Variants in SIPA1L1 observed in about 807,000 individuals in gnomAD.
SIPA1L1 encodes signal-induced proliferation-associated 1-like protein 1.
Under a neutral mutation model 162.7 loss-of-function variants are expected in SIPA1L1, and 26 were observed. The observed-to-expected ratio is 0.16, with a 90% confidence interval of 0.12 to 0.22. SIPA1L1 has a LOEUF of 0.22. Ranked by LOEUF, SIPA1L1 falls within the 10% of genes least tolerant of loss-of-function variation. The probability of loss-of-function intolerance (pLI) is 1.00; values close to 1 mark genes in which losing one functional copy is unlikely to be tolerated. For synonymous variants in SIPA1L1, 829 were observed against 837.4 expected (o/e 0.99, Z 0.17); for missense variants, 1,874 against 2,241.0 (o/e 0.84, Z 3.31).
chr14:71,680,105 A>C (rs1240498681), intron 12 of SIPA1L1, among the ~76,000 whole-genome samples: 5 of 152,202 alleles, frequency 3.3e-5, no homozygotes, highest in African/African-American at 7.2e-5. Context: ...CTCTTCACCC[A>C]AAATCAACAG....
At chr14:71,650,249 A>C (rs370850825) in intron 7 of SIPA1L1, 86 bp from the exon 8 acceptor site, 1 of 1,325,520 alleles carries the variant, frequency 7.5e-7, no homozygotes. Flanking sequence ...TTTTCTGGGC[A>C]TGTGCCCTAT....
chr14:71,721,148 G>A (rs2083689641), intron 17 of SIPA1L1, among the ~76,000 whole-genome samples: 1 of 152,222 alleles, frequency 6.6e-6, no homozygotes, highest in South Asian at 2.1e-4. Context: ...GGTCACTGTA[G>A]ATGTATCAGC....
intron 9 of SIPA1L1, among the ~76,000 whole-genome samples, chr14:71,659,459 C>T (rs958938981): frequency 6.6e-6 from 1 of 152,156 alleles, no homozygotes; most frequent in Non-Finnish European, 1.5e-5. Flanking sequence ...AGCTATAAAT[C>T]TGAAGTAAAC....
At chr14:71,492,561 G>A (rs1209306895) in intron 2 of SIPA1L1, among the ~76,000 whole-genome samples, 1 of 152,172 alleles carries the variant, frequency 6.6e-6, no homozygotes, top group Non-Finnish European at 1.5e-5. Context: ...TCTGCTGTCT[G>A]CTTCAGACTT....
At chr14:71,712,969 T>A (rs1178404632) in intron 17 of SIPA1L1, among the ~76,000 whole-genome samples, 2 of 152,118 alleles carry the variant, frequency 1.3e-5, no homozygotes, top group Non-Finnish European at 2.9e-5. Flanking sequence ...ACAAGAGGAT[T>A]TTTCACCCAA....
intron 2 of SIPA1L1, among the ~76,000 whole-genome samples, chr14:71,389,769 G>GTA (rs1382362198): frequency 3.3e-5 from 5 of 152,172 alleles, no homozygotes; most frequent in Non-Finnish European, 7.3e-5. Context: ...CTCACATTTA[G>GTA]TAGAGACTCA....
chr14:71,705,954 C>T (rs985442657), intron 16 of SIPA1L1, among the ~76,000 whole-genome samples: 6 of 151,960 alleles, frequency 3.9e-5, no homozygotes, highest in Admixed American at 6.6e-5. Flanking sequence ...GCTATTGGGA[C>T]GGGACGCCCT....
At chr14:71,480,508 T>TG (rs1489233855) in intron 2 of SIPA1L1, among the ~76,000 whole-genome samples, 1 of 147,614 alleles carries the variant, frequency 6.8e-6, no homozygotes, top group African/African-American at 2.5e-5. Flanking sequence ...ACGCCTGTAA[T>TG]CCCAGCATTT....
intron 10 of SIPA1L1, among the ~76,000 whole-genome samples, chr14:71,665,105 A>G (rs2043875415): frequency 6.6e-6 from 1 of 152,208 alleles, no homozygotes; most frequent in South Asian, 2.1e-4. Flanking sequence ...AAAATTATCC[A>G]GTGTTACCAT....
chr14:71,610,464 A>T (rs1356996199), intron 5 of SIPA1L1, among the ~76,000 whole-genome samples: 1 of 152,224 alleles, frequency 6.6e-6, no homozygotes, highest in Non-Finnish European at 1.5e-5. Flanking sequence ...ACTACTATGA[A>T]TATTTACAGT....
chr14:71,464,662 CAAAA>C (rs1008732200), intron 2 of SIPA1L1, among the ~76,000 whole-genome samples: 3 of 148,342 alleles, frequency 2.0e-5, no homozygotes, highest in African/African-American at 7.6e-5. Flanking sequence ...CAAAACAAAA[CAAAA>C]AAAACAAACA....
At chr14:71,678,736 C>G (rs2045479671) in intron 12 of SIPA1L1, among the ~76,000 whole-genome samples, 1 of 151,076 alleles carries the variant, frequency 6.6e-6, no homozygotes, top group Admixed American at 6.6e-5. Context: ...CCTTGTACCT[C>G]TGGTAGAATT....
chr14:71,675,255 G>C (rs1433391465), intron 12 of SIPA1L1, among the ~76,000 whole-genome samples: 1 of 152,222 alleles, frequency 6.6e-6, no homozygotes, highest in African/African-American at 2.4e-5. Context: ...GGAGCTGCCA[G>C]TGACATGTCA....
rs1309143476 is a variant in SIPA1L1, at chr14:71,638,710, A to G, written c.1819-11625A>G. 2.6e-5 allele frequency among the ~76,000 whole-genome samples: 4 copies of G among 152,218 alleles called. No homozygotes were observed. In the South Asian group the frequency reaches 6.2e-4, roughly 24 times the overall value. ...GTAGACGCAGCAGTGGAAAAATAAA[A>G]CTCCCTATTTCAGATGACATGCTGG... On this transcript the variant is annotated intron_variant, in intron 7 of 23. Transcript: ENST00000381232.
intron 2 of SIPA1L1, among the ~76,000 whole-genome samples, chr14:71,408,531 G>T (rs1024930634): frequency 1.3e-5 from 2 of 152,198 alleles, no homozygotes; most frequent in African/African-American, 4.8e-5. Context: ...TGACTTGGTA[G>T]CCTGTGGAAT....
At chr14:71,569,639 T>C (rs1349338625) in intron 4 of SIPA1L1, among the ~76,000 whole-genome samples, 1 of 152,180 alleles carries the variant, frequency 6.6e-6, no homozygotes, top group East Asian at 1.9e-4. Context: ...GTAATAATAT[T>C]TAGTAGCTTG....
intron 3 of SIPA1L1, among the ~76,000 whole-genome samples, chr14:71,524,850 G>A (rs2052703459): frequency 6.6e-6 from 1 of 152,136 alleles, no homozygotes; most frequent in Admixed American, 6.5e-5. Context: ...CCATGCATAC[G>A]TTCTCTCCCT....
intron 2 of SIPA1L1, among the ~76,000 whole-genome samples, chr14:71,408,062 A>C (rs1196716009): frequency 6.6e-6 from 1 of 152,188 alleles, no homozygotes; most frequent in Non-Finnish European, 1.5e-5. Context: ...GTTGTTATTA[A>C]TGACTTTGAT....
intron 2 of SIPA1L1, among the ~76,000 whole-genome samples, chr14:71,496,043 A>G (rs1307226270): frequency 1.3e-5 from 2 of 149,346 alleles, no homozygotes; most frequent in Non-Finnish European, 1.5e-5. Flanking sequence ...GCTGCACTCT[A>G]GCCTGCAAGA....
Sources: gnomAD v4.1 joint callset for allele counts (sites outside exome capture counted in the v4.1 genomes callset) on GRCh38, gnomAD v4.1.1 for gene constraint, MANE v1.5 for transcripts, NCBI Gene and HGNC (gene_info 2026-07-23, HGNC 2026-07-21) for gene names.